The following DNAH17 variants were observed in gnomAD, a reference collection of about 807,000 sequenced individuals.
The protein encoded by DNAH17 is dynein axonemal heavy chain 17.
A neutral mutation model predicts 485.6 loss-of-function variants in DNAH17; 376 were observed. That is an observed-to-expected ratio of 0.77 (90% CI 0.71 to 0.84). The LOEUF is 0.84. Ranked by LOEUF, DNAH17 falls within the 40% of genes least tolerant of loss-of-function variation. The pLI, the probability that DNAH17 is intolerant of heterozygous loss-of-function variation, is 0.00. For synonymous variants in DNAH17, 3,031 were observed against 2,405.9 expected (o/e 1.26, Z -7.60); for missense variants, 6,370 against 5,839.3 (o/e 1.09, Z -2.96).
chr17:78,428,202 G>A (rs776522707), intron 77 of DNAH17: 25 of 411,992 alleles, frequency 6.1e-5, no homozygotes, highest in Non-Finnish European at 1.1e-4. Context: ...GGGAATGGTC[G>A]GTGCCCTTCC....
intron 48 of DNAH17, among the ~76,000 whole-genome samples, chr17:78,481,464 A>G (rs1165212911): frequency 6.6e-6 from 1 of 152,158 alleles, no homozygotes; most frequent in Non-Finnish European, 1.5e-5. Context: ...AAATTTTGAA[A>G]CAAGAGGCAA....
intron 57 of DNAH17, 111 bp from the exon 58 acceptor site, chr17:78,461,819 G>T: frequency 9.4e-7 from 1 of 1,059,562 alleles, no homozygotes; most frequent in South Asian, 1.7e-5. Flanking sequence ...CGGCAGGGCC[G>T]TGTCTTACGA....
chr17:78,425,179 G>T, intron 80 of DNAH17, 167 bp downstream of exon 80: 1 of 653,048 alleles, frequency 1.5e-6, no homozygotes, highest in Non-Finnish European at 2.6e-6. Flanking sequence ...CCTCTCTAGG[G>T]TCAGCGTGGC....
At chr17:78,473,743 G>C (rs2088881416) in intron 54 of DNAH17, among the ~76,000 whole-genome samples, 1 of 152,044 alleles carries the variant, frequency 6.6e-6, no homozygotes, top group South Asian at 2.1e-4. Context: ...TCCCCGCAGG[G>C]ACGCAGAGCA....
intron 2 of DNAH17, among the ~76,000 whole-genome samples, chr17:78,574,446 T>C (rs2092404466): frequency 6.6e-6 from 1 of 151,164 alleles, no homozygotes; most frequent in Non-Finnish European, 1.5e-5. Context: ...GAGGCTGCAG[T>C]GAGCTGTGCT....
intron 74 of DNAH17, among the ~76,000 whole-genome samples, chr17:78,434,633 G>A (rs765781025): frequency 2.7e-4 from 40 of 150,546 alleles, no homozygotes; most frequent in Admixed American, 4.8e-4. Context: ...ATCAGGATGG[G>A]GGATGGGATA....
At chr17:78,426,404 T>TA in intron 79 of DNAH17, 53 bp downstream of exon 79, 1 of 1,521,578 alleles carries the variant, frequency 6.6e-7, no homozygotes, top group Non-Finnish European at 8.8e-7. Context: ...TGCCGAGCTC[T>TA]GGGCACTCGG....
Position 78,557,636 on chromosome 17 carries a change from C to CAAAAAAA in DNAH17, c.2178+465_2178+471dup, listed in dbSNP as rs34251460. Among the ~76,000 whole-genome samples, 81 of 29,032 alleles carry CAAAAAAA rather than the reference C, an allele frequency of 2.8e-3. 5 individuals carry two copies. The highest frequency in any genetic ancestry group is 7.4e-3 in the African/African-American group (77 of 10,466). The allele number at this position is 29,032 out of a possible 152,430, so 19.0% of individuals were successfully genotyped here. ...CCTGGGTGACAGAGTGAGACTGTCTCAAAAAAAAAAAAAAAAAAAAAAAAA... is the reference window on the plus strand; with the variant it reads ...CCTGGGTGACAGAGTGAGACTGTCTCAAAAAAAAAAAAAAAAAAAAAAAAAAAAAAAA... On this transcript the variant is annotated intron_variant, in intron 14 of 80. Transcript: ENST00000389840.
At chr17:78,429,666 C>T (rs564561852) in intron 75 of DNAH17, among the ~76,000 whole-genome samples, 2 of 152,174 alleles carry the variant, frequency 1.3e-5, no homozygotes, top group South Asian at 2.1e-4. Context: ...AATCGGAACT[C>T]GCTCCCTCTG....
intron 25 of DNAH17, among the ~76,000 whole-genome samples, chr17:78,516,484 C>T (rs999880910): frequency 3.3e-5 from 5 of 152,016 alleles, no homozygotes; most frequent in South Asian, 2.1e-4. Context: ...GTCAGGAGTT[C>T]GATACCAGCC....
At chr17:78,454,918 T>C (rs976252678) in intron 63 of DNAH17, among the ~76,000 whole-genome samples, 1 of 151,892 alleles carries the variant, frequency 6.6e-6, no homozygotes, top group Non-Finnish European at 1.5e-5. Flanking sequence ...GGCCACGTTT[T>C]TTTTTTCCCC....
At chr17:78,427,490 G>A (rs531377318) in intron 77 of DNAH17, among the ~76,000 whole-genome samples, 1 of 152,324 alleles carries the variant, frequency 6.6e-6, no homozygotes, top group East Asian at 1.9e-4. Context: ...GTCACACCCT[G>A]TTAAGGAGTG....
At position 78,532,699 on chromosome 17, in the gene DNAH17, C is replaced by T. The variant is rs779326836; in HGVS notation, c.2897G>A (p.Arg966Lys). 1.3e-6 allele frequency: 2 copies of T among 1,593,520 alleles called. No homozygotes were observed. Among genetic ancestry groups the T allele is most frequent in the Middle Eastern group, 1.7e-4 (1 of 5,944 alleles). ...GATGACCAGGCTGGACACCTCCTCC[C>T]TCATCTCTATGAGGTCTGTGTTATC... ...LEDNTDLIEM[R>K]EEVSSLVINA... The change falls in exon 20 of 81, where the codon AGG (arginine) becomes AAG (lysine). Residue 966 changes from arginine (R) to lysine (K), a missense_variant. Arg to Lys is a conservative substitution (Grantham distance 26). Transcript: ENST00000389840.
intron 72 of DNAH17, 96 bp from the exon 73 acceptor site, chr17:78,439,313 C>CT: frequency 7.1e-7 from 1 of 1,405,098 alleles, no homozygotes; most frequent in Non-Finnish European, 9.5e-7. Context: ...ATGCCTCCCT[C>CT]ATTTAGTTTC....
At chr17:78,454,033 G>A (rs2087674750) in intron 64 of DNAH17, among the ~76,000 whole-genome samples, 1 of 152,020 alleles carries the variant, frequency 6.6e-6, no homozygotes, top group South Asian at 2.1e-4. Context: ...GTAGCTTTAT[G>A]GCCACAGAGA....
chr17:78,485,724 T>C lies in DNAH17; in HGVS notation c.7309A>G (p.Ile2437Val), dbSNP rs1272712303. 1.2e-6 allele frequency: 2 copies of C among 1,613,904 alleles called. No individual in the cohort carries two copies. Among genetic ancestry groups the C allele is most frequent in the Non-Finnish European group, 1.7e-6 (2 of 1,179,874 alleles). ...ATGAGCAGGTCCATGAAGTAGCGGA[T>C]GCGGATGGTTTCCGTGGTGTGGACC... is the stretch of plus-strand genomic sequence containing the variant. ...SLVHTTETIR[I>V]RYFMDLLMEK... Residue 2437 changes from isoleucine to valine, a missense_variant, in exon 47 of 81, where the codon ATC becomes GTC. By Grantham distance (29) the Ile-to-Val change is conservative. Transcript: ENST00000389840.
chr17:78,576,846 C>T (rs573650480), intron 1 of DNAH17, among the ~76,000 whole-genome samples: 9 of 152,330 alleles, frequency 5.9e-5, no homozygotes, highest in Non-Finnish European at 7.3e-5. Flanking sequence ...GTTTCTTGCA[C>T]GATCGGGAGG....
At chr17:78,500,918 G>T (rs886844536) in intron 35 of DNAH17, 1 of 332,674 alleles carries the variant, frequency 3.0e-6, no homozygotes, top group Non-Finnish European at 5.4e-6. Context: ...GCACTGCTAC[G>T]ACAACCAGAG....
At chr17:78,544,147 G>A (rs1035785356) in intron 16 of DNAH17, 150 bp from the exon 17 acceptor site, 3 of 1,169,208 alleles carry the variant, frequency 2.6e-6, no homozygotes, top group African/African-American at 3.1e-5. Context: ...CCCATCAGGG[G>A]CTACTAAGGA....
Sources: gnomAD v4.1 joint callset for allele counts (sites outside exome capture counted in the v4.1 genomes callset) on GRCh38, gnomAD v4.1.1 for gene constraint, MANE v1.5 for transcripts, NCBI Gene and HGNC (gene_info 2026-07-23, HGNC 2026-07-21) for gene names.